Variants in AKAP19 observed in about 807,000 individuals in gnomAD.
The protein encoded by AKAP19 is A-kinase anchoring protein 19, also known as small A-kinase anchoring protein.
At chr2:190,118,785 G>A in the AKAP19 span, among the ~76,000 whole-genome samples, 4 of 152,196 alleles carry the variant, frequency 2.6e-5, no homozygotes, top group African/African-American at 9.7e-5. Flanking sequence ...AAAACTGGAA[G>A]CATTCCCTTT....
chr2:189,932,387 G>T, the AKAP19 span, among the ~76,000 whole-genome samples: 360 of 133,678 alleles, frequency 2.7e-3, 3 homozygotes, highest in Non-Finnish European at 3.3e-3. Context: ...CAGCCTGGGC[G>T]ACTGAGCGAG....
chr2:189,909,180 A>G, the AKAP19 span, among the ~76,000 whole-genome samples: 1 of 151,846 alleles, frequency 6.6e-6, no homozygotes, highest in Non-Finnish European at 1.5e-5. Flanking sequence ...TAGTCACACT[A>G]CGTTCTTTTG....
At chr2:190,154,509 A>T in the AKAP19 span, among the ~76,000 whole-genome samples, 1 of 152,232 alleles carries the variant, frequency 6.6e-6, no homozygotes, top group African/African-American at 2.4e-5. Context: ...AGCATTTTTT[A>T]AAAGTCTTTA....
At chr2:190,180,423 C>T in the AKAP19 span, 8 of 971,782 alleles carry the variant, frequency 8.2e-6, no homozygotes, top group Non-Finnish European at 9.8e-6. The surrounding 1 kb of genome is among the most constrained non-coding windows in gnomAD (Gnocchi z 6.8). Context: ...CAGGAGAGTT[C>T]GCAGCCCAGG....
At chr2:190,066,190 C>CT in the AKAP19 span, among the ~76,000 whole-genome samples, 1 of 152,178 alleles carries the variant, frequency 6.6e-6, no homozygotes, top group Admixed American at 6.5e-5. Context: ...ACTAGGTAGA[C>CT]TGTTGTGGGC....
the AKAP19 span, among the ~76,000 whole-genome samples, chr2:190,192,318 T>C: frequency 3.9e-5 from 6 of 152,134 alleles, no homozygotes; most frequent in East Asian, 1.2e-3. Flanking sequence ...GGCTAGCCTT[T>C]TGTCAATATA....
the AKAP19 span, among the ~76,000 whole-genome samples, chr2:190,132,135 A>C: frequency 6.6e-6 from 1 of 152,234 alleles, no homozygotes; most frequent in Non-Finnish European, 1.5e-5. Context: ...AAGCTATAAA[A>C]CATTTATGAA....
the AKAP19 span, among the ~76,000 whole-genome samples, chr2:189,914,297 T>A: frequency 0.014 from 2,185 of 152,250 alleles, 55 homozygotes; most frequent in African/African-American, 0.05. Context: ...TACAAATTGA[T>A]TTCTGAAGAG....
At chr2:190,044,272 G>A in the AKAP19 span, among the ~76,000 whole-genome samples, 1 of 152,124 alleles carries the variant, frequency 6.6e-6, no homozygotes, top group Admixed American at 6.6e-5. Flanking sequence ...TCATTTGCTT[G>A]TCTCCTGTGG....
chr2:189,990,585 T>C, the AKAP19 span, among the ~76,000 whole-genome samples: 27 of 152,324 alleles, frequency 1.8e-4, no homozygotes, highest in East Asian at 5.0e-3. Context: ...TTCCTTGTGA[T>C]GTCTTTACGA....
chr2:189,939,641 T>A, the AKAP19 span, among the ~76,000 whole-genome samples: 1 of 152,084 alleles, frequency 6.6e-6, no homozygotes, highest in Non-Finnish European at 1.5e-5. Flanking sequence ...AAAATACAGT[T>A]TTAAAAAAAC....
the AKAP19 span, among the ~76,000 whole-genome samples, chr2:190,010,712 G>A: frequency 6.6e-6 from 1 of 152,002 alleles, no homozygotes; most frequent in Non-Finnish European, 1.5e-5. Flanking sequence ...CAAAATCTCT[G>A]CATAAAACAA....
chr2:189,901,535 A>T, the AKAP19 span, among the ~76,000 whole-genome samples: 6,959 of 152,086 alleles, frequency 0.046, 515 homozygotes, highest in African/African-American at 0.16. Flanking sequence ...ACGGGGTTTC[A>T]TCATGTTGGC....
the AKAP19 span, among the ~76,000 whole-genome samples, chr2:190,043,799 G>A: frequency 6.6e-6 from 1 of 152,162 alleles, no homozygotes; most frequent in African/African-American, 2.4e-5. Flanking sequence ...TCTTATGTTG[G>A]TTCTTTCTCC....
chr2:190,075,983 TA>T, the AKAP19 span, among the ~76,000 whole-genome samples: 1 of 152,212 alleles, frequency 6.6e-6, no homozygotes, highest in African/African-American at 2.4e-5. Flanking sequence ...TTTATGTAGA[TA>T]TTTTTTAATT....
chr2:190,075,948 A>G, the AKAP19 span, among the ~76,000 whole-genome samples: 1 of 151,900 alleles, frequency 6.6e-6, no homozygotes, highest in Non-Finnish European at 1.5e-5. Flanking sequence ...TATCTCCACT[A>G]TTGATTTACT....
the AKAP19 span, among the ~76,000 whole-genome samples, chr2:190,179,856 C>T: frequency 6.6e-6 from 1 of 152,108 alleles, no homozygotes; most frequent in Admixed American, 6.5e-5. The surrounding 1 kb of genome is among the most constrained non-coding windows in gnomAD (Gnocchi z 6.0). Context: ...TTGACTAATC[C>T]GTTGTAGAAC....
At chr2:190,009,161 C>T in the AKAP19 span, among the ~76,000 whole-genome samples, 2 of 152,026 alleles carry the variant, frequency 1.3e-5, no homozygotes. Context: ...AGTGTGGTGT[C>T]GGGAGGGGAC....
the AKAP19 span, among the ~76,000 whole-genome samples, chr2:189,991,441 T>C: frequency 1.3e-5 from 2 of 152,244 alleles, no homozygotes; most frequent in Non-Finnish European, 2.9e-5. Flanking sequence ...ATTTCCTTTG[T>C]AATTAGTGAT....
Sources: gnomAD v4.1 joint callset for allele counts (sites outside exome capture counted in the v4.1 genomes callset) on GRCh38, gnomAD v4.1.1 for gene constraint, Gnocchi (gnomAD v3.1) non-coding constraint, MANE v1.5 for transcripts, NCBI Gene and HGNC (gene_info 2026-07-23, HGNC 2026-07-21) for gene names.